The following CDH3 variants were observed in gnomAD, a reference collection of about 807,000 sequenced individuals.
CDH3 encodes cadherin 3.
Under a neutral mutation model 82.0 loss-of-function variants are expected in CDH3, and 54 were observed. The observed-to-expected ratio is 0.66, with a 90% confidence interval of 0.53 to 0.83. The LOEUF is 0.83. Ranked by LOEUF, CDH3 falls within the 40% of genes least tolerant of loss-of-function variation. The pLI, the probability that CDH3 is intolerant of heterozygous loss-of-function variation, is 0.00. For missense variants in CDH3, 1,054 were observed against 1,084.6 expected (o/e 0.97, Z 0.40); for synonymous variants, 446 against 437.9 (o/e 1.02, Z -0.23).
At chr16:68,685,596 G>A (rs908359352) in intron 11 of CDH3, among the ~76,000 whole-genome samples, 18 of 151,510 alleles carry the variant, frequency 1.2e-4, no homozygotes, top group South Asian at 1.0e-3. Flanking sequence ...ACCTGAGGTC[G>A]GGGGTTCGAG....
chr16:68,680,534 CTGGG>C (rs1961189587), intron 7 of CDH3, among the ~76,000 whole-genome samples: 1 of 152,152 alleles, frequency 6.6e-6, no homozygotes, highest in Non-Finnish European at 1.5e-5. Flanking sequence ...CAAAAATTAG[CTGGG>C]CGTGGTGGCA....
At chr16:68,678,109 G>A (rs1397546194) in intron 3 of CDH3, 25 bp from the exon 4 acceptor site, 1 of 1,609,270 alleles carries the variant, frequency 6.2e-7, no homozygotes, top group Admixed American at 1.7e-5. Flanking sequence ...TGCACATCTG[G>A]GTTAAGGAGT....
intron 2 of CDH3, among the ~76,000 whole-genome samples, chr16:68,649,854 C>A (rs879764486): frequency 6.6e-6 from 1 of 151,954 alleles, no homozygotes; most frequent in Admixed American, 6.6e-5. Context: ...GCCAACATGG[C>A]GAAATCCCGT....
intron 2 of CDH3, among the ~76,000 whole-genome samples, chr16:68,664,474 A>G (rs1960681632): frequency 6.6e-6 from 1 of 152,178 alleles, no homozygotes; most frequent in South Asian, 2.1e-4. Context: ...AAGCTGACTC[A>G]GTAGAAGTGA....
intron 2 of CDH3, among the ~76,000 whole-genome samples, chr16:68,669,623 G>T (rs1374182388): frequency 1.4e-5 from 2 of 146,676 alleles, no homozygotes; most frequent in South Asian, 2.1e-4. Context: ...TGGCGGGGGG[G>T]GTGGGCGGTA....
intron 11 of CDH3, chr16:68,686,500 T>C: frequency 1.7e-6 from 2 of 1,158,648 alleles, no homozygotes; most frequent in Non-Finnish European, 2.6e-6. Flanking sequence ...CAAGGAAAAG[T>C]ATTGCAGCAA....
chr16:68,678,930 G>C (rs1356850133), intron 6 of CDH3, 24 bp downstream of exon 6: 1 of 1,611,942 alleles, frequency 6.2e-7, no homozygotes, highest in South Asian at 1.1e-5. Context: ...GAAGGGGACT[G>C]CTACGGGGCT....
At chr16:68,685,705 G>A (rs556077908) in intron 11 of CDH3, among the ~76,000 whole-genome samples, 1 of 152,332 alleles carries the variant, frequency 6.6e-6, no homozygotes, top group South Asian at 2.1e-4. Context: ...TACTCCGGAC[G>A]CAGAGGCAGA....
downstream of CDH3, among the ~76,000 whole-genome samples, chr16:68,701,932 G>A (rs1957999): frequency 0.23 from 35,144 of 151,672 alleles, 4,327 homozygotes; most frequent in Admixed American, 0.28. Flanking sequence ...GCTGAGGCAG[G>A]AGAGTCACTT....
downstream of CDH3, among the ~76,000 whole-genome samples, chr16:68,704,840 G>A (rs574093885): frequency 5.3e-5 from 8 of 152,322 alleles, no homozygotes; most frequent in East Asian, 1.5e-3. Context: ...AAAATCATTT[G>A]AGCCCAGGAG....
intron 2 of CDH3, among the ~76,000 whole-genome samples, chr16:68,660,848 A>G (rs927970282): frequency 3.9e-5 from 6 of 151,920 alleles, no homozygotes; most frequent in Non-Finnish European, 8.8e-5. Flanking sequence ...AGTCCCAGCT[A>G]TTTGGGAGGC....
chr16:68,706,996 G>A lies in CDH3; in HGVS notation c.99+11073G>A, dbSNP rs142550259. Among the ~76,000 whole-genome samples the A allele has an allele frequency of 8.1e-3, 1,235 of 152,282 alleles. 15 individuals carry two copies. Among genetic ancestry groups the A allele is most frequent in the African/African-American group, 0.027 (1,134 of 41,552 alleles). ...AAATACGTGGTCTAGTAAAAGTGAA[G>A]CATGGAGGAAAATGGAGCTGGGATG... On this transcript the variant is annotated intron_variant, in intron 1 of 2. Transcript: ENST00000569080.
chr16:68,682,568 A>G (rs1961264592), intron 9 of CDH3, 81 bp downstream of exon 9: 1 of 1,347,918 alleles, frequency 7.4e-7, no homozygotes, highest in African/African-American at 1.4e-5. Flanking sequence ...GCCACTGTCT[A>G]CCGTGGGCTA....
At chr16:68,733,549 C>G in the CDH3 span, among the ~76,000 whole-genome samples, 3 of 152,136 alleles carry the variant, frequency 2.0e-5, no homozygotes, top group African/African-American at 7.2e-5. Context: ...TTGAGACCAG[C>G]CTGGCCAACA....
At chr16:68,722,895 G>A (rs1339109062) in intron 2 of CDH3, among the ~76,000 whole-genome samples, 2 of 152,044 alleles carry the variant, frequency 1.3e-5, no homozygotes, top group Non-Finnish European at 2.9e-5. Context: ...CCAGGTTCCA[G>A]GGATTCTCCT....
chr16:68,678,169 G>T lies in CDH3; in HGVS notation c.282G>T (p.Lys94Asn). ...RRSLKERNPLKIFPSKRILRR... is the reference protein window; with the variant it reads ...RRSLKERNPLNIFPSKRILRR... ...CACTGAAGGAAAGGAATCCATTGAA[G>T]ATCTTCCCATCCAAACGTATCTTAC... The change falls in exon 4 of 16, where the codon AAG becomes AAT. Residue 94 changes from lysine to asparagine, a missense_variant. Coordinates refer to ENST00000264012, the MANE Select transcript of CDH3 (RefSeq NM_001793.6). 1 of 1,613,936 alleles carries T rather than the reference G, an allele frequency of 6.2e-7. No homozygotes were observed. Among genetic ancestry groups the T allele is most frequent in the Non-Finnish European group, 8.5e-7 (1 of 1,179,820 alleles).
intron 2 of CDH3, among the ~76,000 whole-genome samples, chr16:68,664,222 A>G (rs1479274076): frequency 6.6e-6 from 1 of 152,110 alleles, no homozygotes; most frequent in Non-Finnish European, 1.5e-5. Context: ...TGGGTTAAGT[A>G]AAGATCGTGA....
chr16:68,685,449 C>T (rs531543262), intron 11 of CDH3, 99 bp downstream of exon 11: 25 of 1,313,868 alleles, frequency 1.9e-5, no homozygotes, highest in Middle Eastern at 4.6e-4. Flanking sequence ...GAACATGTGT[C>T]GAGGAGGGCT....
chr16:68,718,518 A>C (rs1465644048), intron 1 of CDH3, among the ~76,000 whole-genome samples: 1 of 151,762 alleles, frequency 6.6e-6, no homozygotes, highest in Non-Finnish European at 1.5e-5. Flanking sequence ...CATCTCTACT[A>C]AAAATACAAA....
Sources: allele counts gnomAD v4.1 joint callset (sites outside exome capture counted in the v4.1 genomes callset), GRCh38; gene constraint gnomAD v4.1.1; transcripts MANE v1.5; gene names NCBI Gene and HGNC (gene_info 2026-07-23, HGNC 2026-07-21).